Variants in ADGRL3 observed in about 807,000 individuals in gnomAD.
The protein encoded by ADGRL3 is calcium-independent alpha-latrotoxin receptor 3.
ADGRL3 carries 62 observed loss-of-function variants against 153.5 expected under a neutral mutation model. The ratio of observed to expected loss-of-function variants is 0.40; its 90% CI spans 0.33 to 0.50. The LOEUF is 0.50. Among genes scored for constraint, ADGRL3 ranks in the 20% least tolerant of loss-of-function variants. The pLI is 0.47. For synonymous variants in ADGRL3, 710 were observed against 672.5 expected (o/e 1.06, Z -0.86); for missense variants, 1,641 against 1,859.4 (o/e 0.88, Z 2.16).
intron 9 of ADGRL3, among the ~76,000 whole-genome samples, chr4:61,857,006 T>TTCTTTCTC (rs1554048324): frequency 0.16 from 17,922 of 112,628 alleles, 2,587 homozygotes; most frequent in Non-Finnish European, 0.2. Flanking sequence ...CTTTCTTTCT[T>TTCTTTCTC]TCTTTCTTTC....
chr4:61,388,632 G>T (rs1295221056), intron 2 of ADGRL3, among the ~76,000 whole-genome samples: 1 of 152,186 alleles, frequency 6.6e-6, no homozygotes, highest in African/African-American at 2.4e-5. Flanking sequence ...GTCCTCTTCT[G>T]TGTGGATAAT....
Position 61,620,634 on chromosome 4 carries a change from C to CTTTTTTTTT in ADGRL3, c.473+33211_473+33219dup, listed in dbSNP as rs71664993. On this transcript the variant is annotated intron_variant, in intron 5 of 26. Coordinates refer to ENST00000683033, the MANE Select transcript of ADGRL3 (RefSeq NM_001387552.1). ...ATGGTATATATAGTGTAAATTGTGA[C>CTTTTTTTTT]TTTTTTTTTTTTTTTTTTTTTTTTT... Among the ~76,000 whole-genome samples the CTTTTTTTTT allele has an allele frequency of 2.6e-4, 18 of 69,732 alleles. 1 individual carries two copies. Among genetic ancestry groups the CTTTTTTTTT allele is most frequent in the Admixed American group, 6.5e-4 (3 of 4,614 alleles). 45.7% of individuals were successfully genotyped at this position (69,732 alleles called of 152,430 possible).
intron 9 of ADGRL3, among the ~76,000 whole-genome samples, chr4:61,849,493 T>G (rs1483709205): frequency 2.6e-5 from 4 of 152,038 alleles, no homozygotes; most frequent in South Asian, 4.1e-4. Context: ...TATTTTTTTT[T>G]TGTGGAATAT....
intron 4 of ADGRL3, among the ~76,000 whole-genome samples, chr4:61,542,860 T>C (rs1439019333): frequency 1.3e-5 from 2 of 152,208 alleles, no homozygotes; most frequent in African/African-American, 4.8e-5. Flanking sequence ...TACACTAAGA[T>C]TGCTTTTATT....
intron 2 of ADGRL3, chr4:61,427,732 A>T (rs2097300103): frequency 6.5e-6 from 1 of 152,774 alleles, no homozygotes; most frequent in East Asian, 1.9e-4. Flanking sequence ...CCAGGCCCAC[A>T]CTAGTGGCAG....
chr4:62,004,283 G>A (rs1242484463), intron 21 of ADGRL3, among the ~76,000 whole-genome samples: 1 of 151,752 alleles, frequency 6.6e-6, no homozygotes, highest in East Asian at 1.9e-4. Flanking sequence ...TAGCCTACTT[G>A]CTAAAATTAT....
intron 1 of ADGRL3, among the ~76,000 whole-genome samples, chr4:61,234,265 A>T (rs1414369318): frequency 6.6e-6 from 1 of 152,150 alleles, no homozygotes; most frequent in Non-Finnish European, 1.5e-5. Context: ...CAAAAGGCAC[A>T]TCTTACATAG....
chr4:61,230,098 A>G (rs1476624614), intron 1 of ADGRL3, among the ~76,000 whole-genome samples: 1 of 152,096 alleles, frequency 6.6e-6, no homozygotes, highest in Non-Finnish European at 1.5e-5. Flanking sequence ...CCTAGCTACA[A>G]GGGTGTCTGG....
At chr4:61,482,282 A>G (rs1401072970) in intron 2 of ADGRL3, among the ~76,000 whole-genome samples, 1 of 152,226 alleles carries the variant, frequency 6.6e-6, no homozygotes, top group African/African-American at 2.4e-5. Flanking sequence ...CATCTGCTTT[A>G]TCAGTCATCA....
chr4:61,902,661 C>T (rs1235796461), intron 11 of ADGRL3, among the ~76,000 whole-genome samples: 2 of 151,996 alleles, frequency 1.3e-5, no homozygotes, highest in South Asian at 2.1e-4. Context: ...ACTCCATGCC[C>T]CTCCCTCCTA....
chr4:61,442,422 G>T (rs188866804), intron 2 of ADGRL3, among the ~76,000 whole-genome samples: 45 of 152,228 alleles, frequency 3.0e-4, no homozygotes, highest in Admixed American at 2.1e-3. Context: ...GGAGCCATTC[G>T]ATTATTGCAA....
Position 61,359,112 on chromosome 4 carries a change from A to T in ADGRL3, c.-239-24012A>T, listed in dbSNP as rs576436393. ...CTCATACATCACATATAGGATCCAT[A>T]AGCAAATCCTATGGCTTCTACCTTA... On this transcript the variant is annotated intron_variant, in intron 1 of 26. Transcript: ENST00000683033. Among the ~76,000 whole-genome samples, 15 of 152,286 alleles carry T rather than the reference A, an allele frequency of 9.8e-5. 1 individual carries two copies. The highest frequency in any genetic ancestry group is 3.4e-4 in the African/African-American group (14 of 41,566).
intron 4 of ADGRL3, among the ~76,000 whole-genome samples, chr4:61,583,921 A>G (rs776167199): frequency 2.0e-5 from 3 of 151,954 alleles, no homozygotes; most frequent in African/African-American, 4.8e-5. Context: ...ACAATGCCCA[A>G]TGCAATGTTA....
chr4:61,641,683 T>C (rs1305167044), intron 5 of ADGRL3, among the ~76,000 whole-genome samples: 1 of 151,946 alleles, frequency 6.6e-6, no homozygotes, highest in African/African-American at 2.4e-5. Flanking sequence ...ATCCAGTCTA[T>C]CACTGTTGGA....
chr4:61,468,435 C>A (rs2097909866), intron 2 of ADGRL3, among the ~76,000 whole-genome samples: 1 of 152,214 alleles, frequency 6.6e-6, no homozygotes, highest in Non-Finnish European at 1.5e-5. Flanking sequence ...TCATATCAGC[C>A]TGAAAGGAAC....
At chr4:62,015,103 G>T (rs2099205486) in intron 21 of ADGRL3, among the ~76,000 whole-genome samples, 3 of 152,280 alleles carry the variant, frequency 2.0e-5, no homozygotes, top group Admixed American at 6.5e-5. Context: ...AGACAGTATA[G>T]TGGAGTGTTA....
At chr4:61,448,895 G>GAGAGAGGGAAGGAAGGAAGGAAGA (rs1484889029) in intron 2 of ADGRL3, among the ~76,000 whole-genome samples, 1 of 139,822 alleles carries the variant, frequency 7.2e-6, no homozygotes, top group Admixed American at 7.4e-5. Flanking sequence ...AGGAAGAAGG[G>GAGAGAGGGAAGGAAGGAAGGAAGA]AGGGAGGGAG....
intron 1 of ADGRL3, among the ~76,000 whole-genome samples, chr4:61,273,362 G>A (rs534453163): frequency 2.0e-5 from 3 of 152,090 alleles, no homozygotes; most frequent in Non-Finnish European, 4.4e-5. Context: ...TTAGATGGCC[G>A]GTCCTGGATA....
chr4:61,244,060 C>T (rs1756079565), intron 1 of ADGRL3, among the ~76,000 whole-genome samples: 1 of 151,906 alleles, frequency 6.6e-6, no homozygotes, highest in Non-Finnish European at 1.5e-5. Flanking sequence ...ATCGGGTCTA[C>T]CTAACTTTCC....
Sources: allele counts gnomAD v4.1 joint callset (sites outside exome capture counted in the v4.1 genomes callset), GRCh38; gene constraint gnomAD v4.1.1; transcripts MANE v1.5; gene names NCBI Gene and HGNC (gene_info 2026-07-23, HGNC 2026-07-21).